INTS10: variants seen among roughly 807,000 people sequenced by gnomAD.
The protein encoded by INTS10 is chromosome 8 open reading frame 35.
INTS10 carries 44 observed loss-of-function variants against 94.4 expected under a neutral mutation model. That is an observed-to-expected ratio of 0.47 (90% CI 0.37 to 0.60). The LOEUF is 0.60. Ranked by LOEUF, INTS10 falls within the 20% of genes least tolerant of loss-of-function variation. The pLI is 0.00. For missense variants in INTS10, 797 were observed against 868.7 expected (o/e 0.92, Z 1.04); for synonymous variants, 341 against 320.7 (o/e 1.06, Z -0.68).
chr8:19,835,069 AT>A, intron 12 of INTS10, among the ~76,000 whole-genome samples: 1 of 151,980 alleles, frequency 6.6e-6, no homozygotes, highest in Non-Finnish European at 1.5e-5. Flanking sequence ...GAATGTAGAC[AT>A]TCAGACCATA....
intron 7 of INTS10, 41 bp from the exon 8 acceptor site, chr8:19,824,762 C>G (rs2066660581): frequency 5.4e-6 from 8 of 1,474,272 alleles, no homozygotes; most frequent in Non-Finnish European, 7.5e-6. Context: ...GCTGACCAGC[C>G]CAGAGTAATC....
At position 19,841,086 on chromosome 8, in the gene INTS10, G is replaced by GA. The variant is rs2068089316; in HGVS notation, c.1640-1758dup. On this transcript the variant is annotated intron_variant, in intron 13 of 16. Coordinates refer to ENST00000397977, the MANE Select transcript of INTS10 (RefSeq NM_018142.4). Reference sequence around the variant, plus strand: ...AGGGGTTGACCAGTGGAACAGCATAGAAAACTGAGAAATAGATGACATTAA... The same window carrying GA: ...AGGGGTTGACCAGTGGAACAGCATAGAAAAACTGAGAAATAGATGACATTAA... Among the ~76,000 whole-genome samples, 9 of 152,210 alleles carry GA rather than the reference G, an allele frequency of 5.9e-5. No homozygotes were observed. The South Asian group carries it at 1.9e-3, about 32-fold the overall frequency.
At chr8:19,819,760 G>A in intron 3 of INTS10, 84 bp downstream of exon 3, 1 of 967,764 alleles carries the variant, frequency 1.0e-6, no homozygotes, top group Non-Finnish European at 1.6e-6. Context: ...TCACACCTGG[G>A]GTATTGGTAA....
In INTS10 at chr8:19,851,082, A is replaced by G. The variant is rs2068993020; in HGVS notation, c.1977-567A>G. Among the ~76,000 whole-genome samples the G allele has an allele frequency of 6.6e-6, 1 of 152,160 alleles. No homozygotes were observed. Among genetic ancestry groups the G allele is most frequent in the South Asian group, 2.1e-4 (1 of 4,820 alleles). On this transcript the variant is annotated intron_variant, in intron 16 of 16. Coordinates refer to ENST00000397977, the MANE Select transcript of INTS10 (RefSeq NM_018142.4). This position sits in a 1 kb window ranked among gnomAD's most constrained non-coding sequence, Gnocchi z 5.0. Reference sequence around the variant, plus strand: ...ATATGAGAGTCTAGATGGGCACAGCATTTAGAGGAGCTGCCCTATTCTGGT... The same window carrying G: ...ATATGAGAGTCTAGATGGGCACAGCGTTTAGAGGAGCTGCCCTATTCTGGT...
chr8:19,825,485 C>T (rs568664077), intron 8 of INTS10, among the ~76,000 whole-genome samples: 3 of 149,312 alleles, frequency 2.0e-5, no homozygotes, highest in Non-Finnish European at 3.0e-5. Context: ...GAGGTCGCAC[C>T]TTGCACTCCA....
At position 19,847,674 on chromosome 8, in the gene INTS10, A is replaced by T. The variant is rs185417509; in HGVS notation, c.1976+1877A>T. On this transcript the variant is annotated intron_variant, in intron 16 of 16. Transcript: ENST00000397977. ...AGAGATGGATTGTCAAAAAATCAACAGTTGAACCTCAGACTTCATTGTACT... is the reference window on the plus strand; with the variant it reads ...AGAGATGGATTGTCAAAAAATCAACTGTTGAACCTCAGACTTCATTGTACT... 3.9e-5 allele frequency among the ~76,000 whole-genome samples: 6 copies of T among 152,338 alleles called. No homozygotes were observed. In the East Asian group the frequency reaches 1.2e-3, roughly 29 times the overall value.
chr8:19,832,983 C>A (rs1257412825), intron 11 of INTS10, among the ~76,000 whole-genome samples, 186 bp from the exon 12 acceptor site: 1 of 152,214 alleles, frequency 6.6e-6, no homozygotes, highest in East Asian at 1.9e-4. Context: ...AGAACTCCCA[C>A]CTGGCTTTAA....
chr8:19,818,538 C>A (rs1254941780), intron 2 of INTS10, 196 bp downstream of exon 2: 2 of 566,474 alleles, frequency 3.5e-6, no homozygotes, highest in Admixed American at 6.4e-5. Context: ...AATTATTATT[C>A]TTATGTTTTA....
chr8:19,833,445 ATTAC>A (rs1489785275), intron 12 of INTS10, 124 bp downstream of exon 12: 6 of 654,916 alleles, frequency 9.2e-6, no homozygotes, highest in African/African-American at 1.9e-5. Flanking sequence ...GCCTAGATTT[ATTAC>A]TTAATCTGCT....
At chr8:19,842,253 T>C (rs1479115350) in intron 13 of INTS10, among the ~76,000 whole-genome samples, 2 of 152,216 alleles carry the variant, frequency 1.3e-5, no homozygotes, top group East Asian at 1.9e-4. Context: ...TGTATTGATA[T>C]TGACCAGTTG....
chr8:19,838,028 A>G (rs182976568), intron 13 of INTS10, among the ~76,000 whole-genome samples: 1 of 152,304 alleles, frequency 6.6e-6, no homozygotes, highest in Admixed American at 6.5e-5. Context: ...CTTAAACACA[A>G]TTTACCAAAA....
chr8:19,820,612 C>G, intron 4 of INTS10, 94 bp downstream of exon 4: 1 of 1,091,674 alleles, frequency 9.2e-7, no homozygotes. Flanking sequence ...GCAGAAGTTT[C>G]TGAAGAGTAC....
At chr8:19,830,314 A>G (rs952845895) in intron 9 of INTS10, 92 bp from the exon 10 acceptor site, 5 of 1,114,670 alleles carry the variant, frequency 4.5e-6, no homozygotes, top group African/African-American at 1.6e-5. Flanking sequence ...TATAAAATTC[A>G]TATCACGGGC....
chr8:19,835,923 C>T (rs1455732223), intron 12 of INTS10, among the ~76,000 whole-genome samples: 3 of 152,028 alleles, frequency 2.0e-5, no homozygotes. Context: ...GGTTTAAATC[C>T]CCACTTCCAG....
intron 13 of INTS10, 193 bp downstream of exon 13, chr8:19,837,353 A>T (rs2067745592): frequency 1.8e-6 from 1 of 561,862 alleles, no homozygotes; most frequent in African/African-American, 1.9e-5. Context: ...AAAGAAAAAT[A>T]GTTTTAGGAC....
chr8:19,820,342 G>C (rs372146231), intron 3 of INTS10, 37 bp from the exon 4 acceptor site: 3 of 1,580,306 alleles, frequency 1.9e-6, no homozygotes, highest in Non-Finnish European at 8.6e-7. Flanking sequence ...TTTTCTGTCC[G>C]CAAGAAACTT....
At chr8:19,830,581 G>T (rs766514887) in intron 10 of INTS10, 22 bp downstream of exon 10, 5 of 1,596,840 alleles carry the variant, frequency 3.1e-6, no homozygotes, top group Non-Finnish European at 4.3e-6. Flanking sequence ...CATGTCATTG[G>T]TGCTGTTTGA....
chr8:19,850,999 C>A (rs560472505), intron 16 of INTS10, among the ~76,000 whole-genome samples: 1 of 152,296 alleles, frequency 6.6e-6, no homozygotes. Context: ...GCCTCTCTCT[C>A]CTGACCTGTG....
intron 2 of INTS10, among the ~76,000 whole-genome samples, chr8:19,819,147 GTTC>G (rs1448354133): frequency 2.6e-5 from 4 of 152,044 alleles, no homozygotes; most frequent in Non-Finnish European, 5.9e-5. Flanking sequence ...TCTCTTTTTA[GTTC>G]TTGTCACTGT....
Sources: gnomAD v4.1 joint callset for allele counts (sites outside exome capture counted in the v4.1 genomes callset) on GRCh38, gnomAD v4.1.1 for gene constraint, Gnocchi (gnomAD v3.1) non-coding constraint, MANE v1.5 for transcripts, NCBI Gene and HGNC (gene_info 2026-07-23, HGNC 2026-07-21) for gene names.